The following SENP7 variants were observed in gnomAD, a reference collection of about 807,000 sequenced individuals.
SENP7 encodes sentrin-specific protease 7.
A neutral mutation model predicts 141.2 loss-of-function variants in SENP7; 64 were observed. That is an observed-to-expected ratio of 0.45 (90% confidence interval 0.37 to 0.56). The LOEUF (loss-of-function observed/expected upper bound fraction) is 0.56. Among genes scored for constraint, SENP7 ranks in the 20% least tolerant of loss-of-function variants. The pLI is 0.00. For missense variants in SENP7, 1,025 were observed against 1,212.2 expected (o/e 0.85, Z 2.29); for synonymous variants, 382 against 426.4 (o/e 0.90, Z 1.28).
chr3:101,468,996 C>T (rs12638796), intron 3 of SENP7, among the ~76,000 whole-genome samples: 31,967 of 151,750 alleles, frequency 0.21, 3,565 homozygotes, highest in Non-Finnish European at 0.24. Flanking sequence ...CGCACTTAGG[C>T]TCAAAATAAA....
At chr3:101,407,404 G>T (rs745923261) in intron 5 of SENP7, among the ~76,000 whole-genome samples, 3 of 152,108 alleles carry the variant, frequency 2.0e-5, no homozygotes, top group Non-Finnish European at 4.4e-5. Context: ...CAAAGAAACA[G>T]TGGATTTAAA....
At chr3:101,498,414 G>C (rs1321618641) in intron 2 of SENP7, among the ~76,000 whole-genome samples, 1 of 152,050 alleles carries the variant, frequency 6.6e-6, no homozygotes, top group Non-Finnish European at 1.5e-5. Context: ...CACTAAGAAG[G>C]TCATCATCAC....
intron 4 of SENP7, among the ~76,000 whole-genome samples, chr3:101,449,132 G>C (rs2063016142): frequency 6.6e-6 from 1 of 152,138 alleles, no homozygotes. Context: ...ATCAGTGATG[G>C]AACATGAAAT....
chr3:101,401,114 AC>A (rs1279374259), intron 5 of SENP7, among the ~76,000 whole-genome samples: 2 of 151,706 alleles, frequency 1.3e-5, no homozygotes, highest in African/African-American at 2.4e-5. Context: ...AAAAAAAAGA[AC>A]TAAAAATTAC....
intron 6 of SENP7, among the ~76,000 whole-genome samples, chr3:101,377,164 C>T (rs976510222): frequency 2.6e-4 from 39 of 152,126 alleles, no homozygotes; most frequent in East Asian, 5.8e-4. Context: ...CTGCATCAAA[C>T]GAAGTGCAAT....
intron 3 of SENP7, 30 bp from the exon 4 acceptor site, chr3:101,459,082 T>A: frequency 7.8e-7 from 1 of 1,287,938 alleles, no homozygotes. Flanking sequence ...ATTTTAATAA[T>A]AAACATATCA....
At chr3:101,405,037 G>A (rs561374367) in intron 5 of SENP7, among the ~76,000 whole-genome samples, 18 of 152,302 alleles carry the variant, frequency 1.2e-4, no homozygotes, top group African/African-American at 4.3e-4. Context: ...GTGGATGGGA[G>A]GCAGACTAGA....
chr3:101,445,418 TGA>T (rs1319678599), intron 4 of SENP7, among the ~76,000 whole-genome samples: 1 of 147,908 alleles, frequency 6.8e-6, no homozygotes, highest in African/African-American at 2.5e-5. Flanking sequence ...CAGACACAAA[TGA>T]GAGAGAGGAA....
At chr3:101,348,796 CATT>C (rs2059538747) in intron 12 of SENP7, among the ~76,000 whole-genome samples, 1 of 143,624 alleles carries the variant, frequency 7.0e-6, no homozygotes, top group African/African-American at 2.6e-5. Flanking sequence ...TTCAAAGAAA[CATT>C]AAAAAAAAAA....
chr3:101,343,627 T>C, intron 14 of SENP7, 59 bp downstream of exon 14: 4 of 1,507,862 alleles, frequency 2.7e-6, no homozygotes, highest in East Asian at 4.5e-5. Flanking sequence ...CTAATATCAA[T>C]GAATAAATGT....
At chr3:101,433,904 TCA>T in intron 4 of SENP7, among the ~76,000 whole-genome samples, 1 of 151,978 alleles carries the variant, frequency 6.6e-6, no homozygotes, top group South Asian at 2.1e-4. Context: ...CAAACAAACA[TCA>T]GACTTAATCC....
chr3:101,470,481 G>A (rs1359919949), intron 3 of SENP7, among the ~76,000 whole-genome samples: 2 of 152,044 alleles, frequency 1.3e-5, no homozygotes, highest in African/African-American at 4.8e-5. Flanking sequence ...CAATAAACGA[G>A]GTATCAATGG....
At position 101,343,695 on chromosome 3, in the gene SENP7, T is replaced by C. The variant is rs1398636702; in HGVS notation, c.2097A>G (p.Ser699=). 6.2e-7 allele frequency: 1 copy of C among 1,610,806 alleles called. No individual in the cohort carries two copies. The highest frequency in any genetic ancestry group is 1.1e-5 in the South Asian group (1 of 90,346). Residue 699 remains serine, a synonymous_variant, in exon 14 of 24, where the codon TCA becomes TCG. Transcript: ENST00000394095. ...TTAATGATATGCTAACCTGAGATAC[T>C]GATTTCAGCTTCATTTCTTCAGCAA... is the stretch of plus-strand genomic sequence containing the variant. ...VAVAEEMKLK[S]VSQPSNTDAA...
chr3:101,357,850 GT>G (rs2059784950), intron 11 of SENP7: 1 of 562,974 alleles, frequency 1.8e-6, no homozygotes, highest in Non-Finnish European at 3.3e-6. Context: ...CGCTACAGAT[GT>G]GAAGAATCTG....
At chr3:101,384,207 T>C (rs1298151392) in intron 6 of SENP7, among the ~76,000 whole-genome samples, 1 of 152,234 alleles carries the variant, frequency 6.6e-6, no homozygotes, top group Non-Finnish European at 1.5e-5. Context: ...CACTTTACCT[T>C]ACTCACCCTC....
chr3:101,380,570 G>A (rs2060474361), intron 6 of SENP7, among the ~76,000 whole-genome samples: 2 of 150,548 alleles, frequency 1.3e-5, no homozygotes, highest in Non-Finnish European at 3.0e-5. Flanking sequence ...CAAGGCTGTA[G>A]TGCACTATAA....
At chr3:101,398,767 T>C in intron 6 of SENP7, 94 bp downstream of exon 6, 1 of 963,750 alleles carries the variant, frequency 1.0e-6, no homozygotes, top group South Asian at 2.1e-5. Context: ...CACATTTACC[T>C]CACATTTAGC....
intron 19 of SENP7, among the ~76,000 whole-genome samples, chr3:101,330,747 T>C (rs2271975): frequency 0.4 from 61,327 of 152,090 alleles, 12,817 homozygotes; most frequent in Admixed American, 0.54. Context: ...TATGACCATA[T>C]AGTTTTGTGT....
chr3:101,406,703 T>C (rs866741833), intron 5 of SENP7, among the ~76,000 whole-genome samples: 3 of 151,966 alleles, frequency 2.0e-5, no homozygotes, highest in African/African-American at 7.3e-5. Context: ...GACATCCAAA[T>C]ACAAGAAACT....
Sources: allele counts gnomAD v4.1 joint callset (sites outside exome capture counted in the v4.1 genomes callset), GRCh38; gene constraint gnomAD v4.1.1; transcripts MANE v1.5; gene names NCBI Gene and HGNC (gene_info 2026-07-23, HGNC 2026-07-21).